Variants in CHN2 observed in about 807,000 individuals in gnomAD.
The protein encoded by CHN2 is beta-chimaerin.
CHN2 carries 35 observed loss-of-function variants against 56.3 expected under a neutral mutation model. The ratio of observed to expected loss-of-function variants is 0.62; its 90% CI spans 0.47 to 0.82. The LOEUF (loss-of-function observed/expected upper bound fraction) is 0.82, where lower values mean the gene tolerates loss of function less well. CHN2 is among the 40% of genes least tolerant of loss of function. CHN2 has a pLI of 0.00. For missense variants in CHN2, 491 were observed against 580.5 expected, an observed-to-expected ratio of 0.85 and a Z score of 1.58; for synonymous variants, 210 against 212.8, an observed-to-expected ratio of 0.99 and a Z score of 0.12.
At chr7:29,347,331 T>C (rs1797526791) in intron 1 of CHN2, among the ~76,000 whole-genome samples, 1 of 152,134 alleles carries the variant, frequency 6.6e-6, no homozygotes, top group African/African-American at 2.4e-5. Flanking sequence ...TGTGGCATTG[T>C]TTATAGTGGA....
At chr7:29,487,651 T>G (rs1422217920) in intron 7 of CHN2, among the ~76,000 whole-genome samples, 2 of 151,702 alleles carry the variant, frequency 1.3e-5, no homozygotes, top group African/African-American at 4.8e-5. Flanking sequence ...CCTCCTTCCC[T>G]CCCTCCTTTC....
chr7:29,275,705 A>AGGTCTCTCAG (rs1438172239), intron 1 of CHN2, among the ~76,000 whole-genome samples: 1 of 152,088 alleles, frequency 6.6e-6, no homozygotes, highest in East Asian at 1.9e-4. Context: ...GAGGAAAGTG[A>AGGTCTCTCAG]GGTCTCTCAG....
chr7:29,359,392 C>T lies in CHN2; in HGVS notation c.88+4729C>T, dbSNP rs369758105. The stretch of plus-strand genomic sequence containing the variant: ...TATAGTGTTCATTAATTTAGTCACT[C>T]CTTCATTCAACAAATGCATATTAAG... On this transcript the variant is annotated intron_variant, in intron 2 of 12. Coordinates refer to ENST00000222792, the MANE Select transcript of CHN2 (RefSeq NM_004067.4). 3.9e-5 allele frequency among the ~76,000 whole-genome samples: 6 copies of T among 152,268 alleles called. No homozygotes were observed. The East Asian group carries it at 7.7e-4, about 20-fold the overall frequency.
chr7:29,375,704 A>C (rs552570139), intron 3 of CHN2, among the ~76,000 whole-genome samples: 7 of 152,310 alleles, frequency 4.6e-5, no homozygotes, highest in South Asian at 4.2e-4. Context: ...TGGTAGTGAG[A>C]GTGTGGATCC....
intron 7 of CHN2, among the ~76,000 whole-genome samples, chr7:29,482,882 C>G (rs576323096): frequency 7.8e-6 from 1 of 128,622 alleles, no homozygotes; most frequent in African/African-American, 2.9e-5. Context: ...AGTGCAGTGG[C>G]GCGATCTCGG....
At chr7:29,352,376 T>TGTGTGTGC (rs1051548344) in intron 1 of CHN2, among the ~76,000 whole-genome samples, 2 of 151,990 alleles carry the variant, frequency 1.3e-5, no homozygotes, top group African/African-American at 4.8e-5. Context: ...TGTATGTGTG[T>TGTGTGTGC]GTGTCTCTAT....
chr7:29,308,489 A>G (rs903620707), intron 1 of CHN2, among the ~76,000 whole-genome samples: 1 of 151,898 alleles, frequency 6.6e-6, no homozygotes, highest in Non-Finnish European at 1.5e-5. Context: ...GTGTTGGGAT[A>G]GGAATTGGGA....
At chr7:29,377,312 C>T (rs894351668) in intron 3 of CHN2, among the ~76,000 whole-genome samples, 4 of 152,222 alleles carry the variant, frequency 2.6e-5, no homozygotes, top group African/African-American at 9.6e-5. Flanking sequence ...GCGTGAGCGA[C>T]CACGCCCCGC....
At chr7:29,509,860 A>AG (rs1491131429) in intron 12 of CHN2, among the ~76,000 whole-genome samples, 43 of 150,276 alleles carry the variant, frequency 2.9e-4, no homozygotes, top group African/African-American at 1.0e-3. Context: ...AAAAAAAAAA[A>AG]GAAAAAGAAA....
At chr7:29,264,064 G>A (rs564385429) in intron 1 of CHN2, among the ~76,000 whole-genome samples, 63 of 145,930 alleles carry the variant, frequency 4.3e-4, no homozygotes, top group Middle Eastern at 4.3e-3. Context: ...TCCGGCCGCC[G>A]CCCCGTCCGG....
rs186938175 is a variant in CHN2, at chr7:29,172,137, G to C, written c.274+25177G>C. ...TTGCCACCTAGAAGGAACCCAGGGAGTACCTAGGTTTCCATATATGGGGGG... is the reference window on the plus strand; with the variant it reads ...TTGCCACCTAGAAGGAACCCAGGGACTACCTAGGTTTCCATATATGGGGGG... On this transcript the variant is annotated intron_variant, in intron 2 of 6. Coordinates refer to the CHN2 transcript ENST00000439384. 1.7e-4 allele frequency among the ~76,000 whole-genome samples: 26 copies of C among 152,272 alleles called. No individual in the cohort carries two copies. The East Asian group carries it at 2.3e-3, about 14-fold the overall frequency.
intron 2 of CHN2, among the ~76,000 whole-genome samples, chr7:29,172,948 T>C (rs1017580196): frequency 1.2e-4 from 18 of 151,926 alleles, no homozygotes; most frequent in African/African-American, 1.7e-4. Flanking sequence ...GTGGCCAGTA[T>C]GGCAAAAACC....
chr7:29,389,301 G>T (rs932853816), intron 3 of CHN2, among the ~76,000 whole-genome samples: 2 of 152,170 alleles, frequency 1.3e-5, no homozygotes. Context: ...TTTACTTACT[G>T]GTCTTGGCTC....
intron 6 of CHN2, among the ~76,000 whole-genome samples, chr7:29,408,394 C>T (rs771396534): frequency 1.4e-4 from 22 of 152,052 alleles, no homozygotes; most frequent in Non-Finnish European, 2.4e-4. Context: ...CATTTTGGAG[C>T]ATTTTCTTTC....
intron 2 of CHN2, among the ~76,000 whole-genome samples, chr7:29,153,498 A>G (rs781621085): frequency 6.6e-6 from 1 of 152,206 alleles, no homozygotes; most frequent in Non-Finnish European, 1.5e-5. Context: ...CAATGTGAAG[A>G]CAATGAGGAT....
At chr7:29,207,678 G>A (rs185233336) in intron 1 of CHN2, among the ~76,000 whole-genome samples, 1 of 152,228 alleles carries the variant, frequency 6.6e-6, no homozygotes, top group East Asian at 1.9e-4. Context: ...AGTATTATTC[G>A]CACAGTGATG....
intron 2 of CHN2, among the ~76,000 whole-genome samples, chr7:29,178,087 T>C (rs922379045): frequency 1.3e-5 from 2 of 152,212 alleles, no homozygotes; most frequent in Non-Finnish European, 2.9e-5. Context: ...TGTCAGATTC[T>C]ACCCTAAGTC....
At chr7:29,287,870 A>G (rs188806763) in intron 1 of CHN2, among the ~76,000 whole-genome samples, 80 of 152,256 alleles carry the variant, frequency 5.3e-4, no homozygotes, top group Non-Finnish European at 1.3e-4. Context: ...GAACTGGCTA[A>G]TTTCCTTCTT....
chr7:29,230,369 C>T (rs1314610832), intron 1 of CHN2, among the ~76,000 whole-genome samples: 1 of 152,158 alleles, frequency 6.6e-6, no homozygotes, highest in Non-Finnish European at 1.5e-5. Context: ...GAGACAGAGT[C>T]TCGCTCTGTC....
Sources: gnomAD v4.1 joint callset for allele counts (sites outside exome capture counted in the v4.1 genomes callset) on GRCh38, gnomAD v4.1.1 for gene constraint, MANE v1.5 for transcripts, NCBI Gene and HGNC (gene_info 2026-07-23, HGNC 2026-07-21) for gene names.